ADAMTSL1: variants seen among roughly 807,000 people sequenced by gnomAD.
The protein encoded by ADAMTSL1 is ADAMTS-like protein 1.
In ADAMTSL1, 126 loss-of-function variants were observed where a neutral mutation model predicts 201.8. The observed-to-expected ratio is 0.62, with a 90% confidence interval of 0.54 to 0.72. The LOEUF (loss-of-function observed/expected upper bound fraction) is 0.72, where lower values mean the gene tolerates loss of function less well. Ranked by LOEUF, ADAMTSL1 falls within the 30% of genes least tolerant of loss-of-function variation. The probability of loss-of-function intolerance (pLI) is 0.00; values close to 1 mark genes in which losing one functional copy is unlikely to be tolerated. For synonymous variants in ADAMTSL1, 1,121 were observed against 903.4 expected (o/e 1.24, Z -4.32); for missense variants, 2,679 against 2,277.8 (o/e 1.18, Z -3.59).
chr9:18,865,357 A>G (rs1827462743), intron 23 of ADAMTSL1, among the ~76,000 whole-genome samples: 2 of 152,308 alleles, frequency 1.3e-5, no homozygotes, highest in Admixed American at 1.3e-4. Flanking sequence ...ATGTCCCTAC[A>G]AAGGACATGA....
intron 5 of ADAMTSL1, among the ~76,000 whole-genome samples, chr9:18,633,494 C>T (rs1826906745): frequency 6.6e-6 from 1 of 152,098 alleles, no homozygotes; most frequent in Admixed American, 6.6e-5. Flanking sequence ...GAGGCTGAGG[C>T]AGGAGAATCA....
chr9:18,642,201 G>C (rs1367762613), intron 7 of ADAMTSL1, among the ~76,000 whole-genome samples: 6 of 151,876 alleles, frequency 4.0e-5, no homozygotes, highest in African/African-American at 7.3e-5. Context: ...GCTATCTGAA[G>C]ATTTTTTTTT....
In ADAMTSL1 at chr9:17,935,084, A is replaced by C. The variant is rs144050090; in HGVS notation, c.87+28162A>C. ...ATTGTAGTCAAACTTTCACAGTATTACTCCTCAGAAACTGTTTTTTCAAGG... is the reference window on the plus strand; with the variant it reads ...ATTGTAGTCAAACTTTCACAGTATTCCTCCTCAGAAACTGTTTTTTCAAGG... On this transcript the variant is annotated intron_variant, in intron 1 of 29. Coordinates refer to the ADAMTSL1 transcript ENST00000680146. Among the ~76,000 whole-genome samples the C allele has an allele frequency of 4.6e-5, 7 of 151,970 alleles. No homozygotes were observed. The East Asian group carries it at 1.4e-3, about 29-fold the overall frequency.
At position 18,778,576 on chromosome 9, in the gene ADAMTSL1, T is replaced by C. The variant is rs7038190; in HGVS notation, c.3677+670T>C. 4.2e-3 allele frequency among the ~76,000 whole-genome samples: 641 copies of C among 152,350 alleles called. 4 individuals carry two copies. The highest frequency in any genetic ancestry group is 0.015 in the African/African-American group (611 of 41,576). On this transcript the variant is annotated intron_variant, in intron 19 of 28. Transcript: ENST00000380548. ...AATAGTGGTAGTAGAATTAATAATA[T>C]TTTTTACCGCTACCTGTGCCTTACT...
chr9:18,646,599 AG>A (rs1368857757), intron 7 of ADAMTSL1, among the ~76,000 whole-genome samples: 2 of 145,770 alleles, frequency 1.4e-5, no homozygotes, highest in African/African-American at 2.6e-5. Flanking sequence ...TTTAGCATGA[AG>A]GGTTGTTGAA....
intron 14 of ADAMTSL1, among the ~76,000 whole-genome samples, chr9:18,712,773 G>A (rs940906101): frequency 8.6e-5 from 13 of 151,942 alleles, no homozygotes; most frequent in Admixed American, 2.6e-4. Flanking sequence ...TCCTCGAGAA[G>A]AATAACTCCA....
intron 2 of ADAMTSL1, among the ~76,000 whole-genome samples, chr9:18,168,098 A>G (rs2132111390): frequency 6.6e-6 from 1 of 152,056 alleles, no homozygotes; most frequent in Non-Finnish European, 1.5e-5. Context: ...ATTAGTGACC[A>G]TTATATTTTT....
rs144533922 is a variant in ADAMTSL1 at position 17,958,312 on chromosome 9, C to T, written c.87+51390C>T. ...ATAAATGATGTTATAATGTGTCTTTCCACTAGACACTGAGATGAGATAACT... is the reference window on the plus strand; with the variant it reads ...ATAAATGATGTTATAATGTGTCTTTTCACTAGACACTGAGATGAGATAACT... On this transcript the variant is annotated intron_variant, in intron 1 of 29. Coordinates refer to the ADAMTSL1 transcript ENST00000680146. Among the ~76,000 whole-genome samples, 430 of 152,250 alleles carry T rather than the reference C, an allele frequency of 2.8e-3. 3 individuals are homozygous for T. The highest frequency in any genetic ancestry group is 9.9e-3 in the African/African-American group (413 of 41,556).
chr9:18,069,241 G>T (rs370031015), intron 1 of ADAMTSL1, among the ~76,000 whole-genome samples: 11 of 152,136 alleles, frequency 7.2e-5, no homozygotes, highest in African/African-American at 1.7e-4. Flanking sequence ...CTTATGACAT[G>T]TTGAAATGAT....
chr9:18,114,585 T>C (rs1188738154), intron 1 of ADAMTSL1, among the ~76,000 whole-genome samples: 1 of 152,132 alleles, frequency 6.6e-6, no homozygotes, highest in Non-Finnish European at 1.5e-5. Context: ...ATTGTTATTT[T>C]TGAGACCCAA....
intron 2 of ADAMTSL1, among the ~76,000 whole-genome samples, chr9:18,314,782 CTTTTTTTTTTTTTTTTT>C (rs776046209): frequency 0.23 from 11,511 of 50,532 alleles, 834 homozygotes; most frequent in Middle Eastern, 0.36. Flanking sequence ...CGGCAGCGTG[CTTTTTTTTTTTTTTTTT>C]TTTTTTTTTT....
intron 5 of ADAMTSL1, among the ~76,000 whole-genome samples, chr9:18,630,768 A>G (rs1826714568): frequency 6.6e-6 from 1 of 152,202 alleles, no homozygotes; most frequent in African/African-American, 2.4e-5. Flanking sequence ...CATCTTTGTC[A>G]GAAGCAGAAG....
intron 1 of ADAMTSL1, among the ~76,000 whole-genome samples, chr9:18,009,416 C>A (rs557583222): frequency 6.6e-6 from 1 of 151,990 alleles, no homozygotes; most frequent in Non-Finnish European, 1.5e-5. Flanking sequence ...TGCCTCACAG[C>A]ACAGTGTAAG....
At chr9:18,825,176 G>T (rs2131232158) in intron 21 of ADAMTSL1, among the ~76,000 whole-genome samples, 1 of 152,168 alleles carries the variant, frequency 6.6e-6, no homozygotes, top group Non-Finnish European at 1.5e-5. Flanking sequence ...CCTCCTATAG[G>T]ATCCTCCTAA....
rs1361838126 is a variant in ADAMTSL1 at position 18,680,378 on chromosome 9, T to C, written c.1203T>C (p.Val401=). 1.2e-6 allele frequency: 2 copies of C among 1,614,188 alleles called. No individual in the cohort carries two copies. Among genetic ancestry groups the C allele is most frequent in the East Asian group, 4.5e-5 (2 of 44,878 alleles). The part of the protein sequence containing the change: ...SCGGGIQSRA[V]SCVEEDIQGH... The stretch of plus-strand genomic sequence containing the variant: ...GGGGGGGCATCCAGAGCCGGGCAGT[T>C]TCCTGTGTGGAGGAGGACATCCAGG... The change falls in exon 11 of 29, where the codon GTT becomes GTC. Residue 401 remains valine, a synonymous_variant. Coordinates refer to ENST00000380548, the MANE Select transcript of ADAMTSL1 (RefSeq NM_001040272.6).
intron 3 of ADAMTSL1, among the ~76,000 whole-genome samples, chr9:18,542,056 C>A (rs1307400144): frequency 6.6e-6 from 1 of 152,176 alleles, no homozygotes; most frequent in Admixed American, 6.5e-5. Flanking sequence ...TCCAACTGAT[C>A]ACCTAATACA....
At chr9:18,433,832 C>A (rs1041135807) in intron 2 of ADAMTSL1, among the ~76,000 whole-genome samples, 1 of 152,152 alleles carries the variant, frequency 6.6e-6, no homozygotes, top group Non-Finnish European at 1.5e-5. Flanking sequence ...ATCTGTTCCA[C>A]AATGTGTATA....
chr9:18,338,672 A>G (rs963309649), intron 2 of ADAMTSL1, among the ~76,000 whole-genome samples: 6 of 152,104 alleles, frequency 3.9e-5, no homozygotes, highest in Non-Finnish European at 8.8e-5. Context: ...GGTTTGTTAC[A>G]TCAGTAAATG....
At chr9:18,738,605 A>C (rs2133532405) in intron 15 of ADAMTSL1, among the ~76,000 whole-genome samples, 1 of 152,260 alleles carries the variant, frequency 6.6e-6, no homozygotes, top group South Asian at 2.1e-4. Flanking sequence ...CTAATTGCTG[A>C]GTTGCCCCCA....
Sources: gnomAD v4.1 joint callset for allele counts (sites outside exome capture counted in the v4.1 genomes callset) on GRCh38, gnomAD v4.1.1 for gene constraint, MANE v1.5 for transcripts, NCBI Gene and HGNC (gene_info 2026-07-23, HGNC 2026-07-21) for gene names.